BMPER: variants seen among roughly 807,000 people sequenced by gnomAD.
BMPER encodes the protein BMP binding endothelial regulator.
In BMPER, 45 loss-of-function variants were observed where a neutral mutation model predicts 87.3. The observed-to-expected ratio is 0.52, with a 90% CI of 0.41 to 0.66. The LOEUF (loss-of-function observed/expected upper bound fraction) is 0.66, where lower values mean the gene tolerates loss of function less well. BMPER is among the 30% of genes least tolerant of loss of function. The pLI is 0.00. For missense variants in BMPER, 784 were observed against 867.5 expected, an observed-to-expected ratio of 0.90 and a Z score of 1.21; for synonymous variants, 326 against 316.2, an observed-to-expected ratio of 1.03 and a Z score of -0.33.
Position 34,078,899 on chromosome 7 carries a change from C to T in BMPER, c.1121C>T (p.Thr374Ile), listed in dbSNP as rs1441215373. The T allele has an allele frequency of 1.9e-6, 3 of 1,614,104 alleles. No homozygotes were observed. The highest frequency in any genetic ancestry group is 2.5e-6 in the Non-Finnish European group (3 of 1,180,064). Reference sequence around the variant, plus strand: ...GTGTTTGGAGATCCCCACTACAACACTTTTGACGGTCGGACATTTAACTTT... The same window carrying T: ...GTGTTTGGAGATCCCCACTACAACATTTTTGACGGTCGGACATTTAACTTT... ...CTVFGDPHYN[T>I]FDGRTFNFQG... Residue 374 changes from threonine (T) to isoleucine (I), a missense_variant, in exon 12 of 15, where the codon ACT (threonine) becomes ATT (isoleucine). Transcript: ENST00000649409.
intron 6 of BMPER, among the ~76,000 whole-genome samples, chr7:33,976,077 G>C (rs1785679904): frequency 6.6e-6 from 1 of 152,126 alleles, no homozygotes; most frequent in African/African-American, 2.4e-5. Flanking sequence ...TCATGAAAAT[G>C]AGCATGAGCT....
chr7:34,067,175 A>G (rs1788614798), intron 11 of BMPER: 1 of 152,214 alleles, frequency 6.6e-6, no homozygotes, highest in Non-Finnish European at 1.5e-5. Flanking sequence ...CACAGTTGCC[A>G]GGTGACTTTT....
intron 12 of BMPER, among the ~76,000 whole-genome samples, chr7:34,083,679 A>G (rs11980776): frequency 0.08 from 12,207 of 152,160 alleles, 1,620 homozygotes; most frequent in African/African-American, 0.28. Flanking sequence ...TCCAGACTTC[A>G]GGTGTATTGG....
chr7:34,041,449 C>A (rs1787830272), intron 6 of BMPER, among the ~76,000 whole-genome samples: 1 of 152,108 alleles, frequency 6.6e-6, no homozygotes, highest in African/African-American at 2.4e-5. Flanking sequence ...TTAGACTATT[C>A]TTTGCAGACC....
At chr7:33,978,757 G>A (rs989911043) in intron 6 of BMPER, among the ~76,000 whole-genome samples, 1 of 152,122 alleles carries the variant, frequency 6.6e-6, no homozygotes, top group Non-Finnish European at 1.5e-5. Context: ...ACTGAACACC[G>A]TAGCTTAGCC....
chr7:34,147,029 T>C (rs1321225796), intron 14 of BMPER, among the ~76,000 whole-genome samples: 1 of 152,234 alleles, frequency 6.6e-6, no homozygotes, highest in Non-Finnish European at 1.5e-5. Flanking sequence ...CTGATACTAA[T>C]TGTCACTGCA....
chr7:33,976,751 A>C (rs1324358817), intron 6 of BMPER, among the ~76,000 whole-genome samples: 1 of 152,196 alleles, frequency 6.6e-6, no homozygotes, highest in African/African-American at 2.4e-5. Context: ...AAGTTCCTGC[A>C]GCTGTACCAG....
At chr7:34,135,839 T>G (rs1488364596) in intron 13 of BMPER, among the ~76,000 whole-genome samples, 4 of 152,172 alleles carry the variant, frequency 2.6e-5, no homozygotes, top group African/African-American at 9.7e-5. Flanking sequence ...TTCTTTTCAC[T>G]GAGGAGTGGG....
chr7:34,046,497 CA>C, intron 7 of BMPER, 92 bp downstream of exon 7: 1 of 1,341,920 alleles, frequency 7.5e-7, no homozygotes, highest in East Asian at 2.3e-5. Flanking sequence ...TTGAGATTCT[CA>C]AGTTGTCCTA....
At chr7:34,041,882 A>C (rs1460479540) in intron 6 of BMPER, among the ~76,000 whole-genome samples, 2 of 152,054 alleles carry the variant, frequency 1.3e-5, no homozygotes, top group African/African-American at 4.8e-5. Flanking sequence ...ACGGGTTAGC[A>C]CTGCACTACT....
intron 3 of BMPER, among the ~76,000 whole-genome samples, chr7:33,939,252 C>T (rs1457201588): frequency 6.6e-6 from 1 of 152,116 alleles, no homozygotes; most frequent in Non-Finnish European, 1.5e-5. Flanking sequence ...TCTTGACCTG[C>T]TAATTCCTTT....
chr7:33,995,997 A>T (rs1786400363), intron 6 of BMPER, among the ~76,000 whole-genome samples: 1 of 152,192 alleles, frequency 6.6e-6, no homozygotes, highest in Non-Finnish European at 1.5e-5. Context: ...CTCATTTATA[A>T]AATGGGGATA....
intron 6 of BMPER, among the ~76,000 whole-genome samples, chr7:34,009,299 A>G (rs561852413): frequency 1.3e-5 from 2 of 152,066 alleles, no homozygotes; most frequent in East Asian, 3.9e-4. Context: ...GCATATTAGA[A>G]TGTTCTGAGA....
At chr7:34,090,029 C>A (rs1280172586) in intron 13 of BMPER, among the ~76,000 whole-genome samples, 5 of 152,036 alleles carry the variant, frequency 3.3e-5, no homozygotes, top group African/African-American at 9.7e-5. Context: ...TAATTAAGTT[C>A]TTTTCAATCA....
chr7:34,128,468 G>A (rs981590916), intron 13 of BMPER, among the ~76,000 whole-genome samples: 1 of 152,140 alleles, frequency 6.6e-6, no homozygotes, highest in Non-Finnish European at 1.5e-5. Flanking sequence ...TGCTTGCCAA[G>A]TAGAGATTTA....
intron 13 of BMPER, among the ~76,000 whole-genome samples, chr7:34,128,354 A>G (rs1440492619): frequency 2.6e-5 from 4 of 152,110 alleles, no homozygotes; most frequent in Admixed American, 2.6e-4. Flanking sequence ...TGTAACACCC[A>G]TTATTTTCCT....
At chr7:33,973,453 C>CTT (rs1233335997) in intron 5 of BMPER, among the ~76,000 whole-genome samples, 1 of 152,232 alleles carries the variant, frequency 6.6e-6, no homozygotes, top group East Asian at 1.9e-4. Flanking sequence ...TTTTAAACCA[C>CTT]GGTTTCACTT....
intron 12 of BMPER, among the ~76,000 whole-genome samples, chr7:34,081,207 T>C (rs1218723312): frequency 6.6e-6 from 1 of 152,242 alleles, no homozygotes; most frequent in African/African-American, 2.4e-5. Flanking sequence ...CCCTAGTCTT[T>C]CCATCTCAGT....
Position 33,905,659 on chromosome 7 carries a change from C to T in BMPER, c.46C>T (p.Arg16Cys), listed in dbSNP as rs760953708. The T allele has an allele frequency of 3.7e-6, 6 of 1,613,324 alleles. No individual in the cohort carries two copies. The highest frequency in any genetic ancestry group is 1.3e-5 in the African/African-American group (1 of 74,862). The part of the protein sequence containing the change: ...GVGALAERYC[R>C]RSPGITCCVL... ...CGGGGCTCTGGCTGAGCGTTACTGC[C>T]GCCGCTCGCCTGGGATTACGTGCTG... The change falls in exon 1 of 15, where the codon CGC (arginine) becomes TGC (cysteine). Residue 16 changes from arginine to cysteine, a missense_variant. Coordinates refer to ENST00000649409, the MANE Select transcript of BMPER (RefSeq NM_001365308.1).
Sources: allele counts gnomAD v4.1 joint callset (sites outside exome capture counted in the v4.1 genomes callset), GRCh38; gene constraint gnomAD v4.1.1; transcripts MANE v1.5; gene names NCBI Gene and HGNC (gene_info 2026-07-23, HGNC 2026-07-21).